PPP1R9A: variants seen among roughly 807,000 people sequenced by gnomAD.
The protein encoded by PPP1R9A is protein phosphatase 1 regulatory subunit 9A.
PPP1R9A carries 59 observed loss-of-function variants against 141.9 expected under a neutral mutation model. The observed-to-expected ratio is 0.42, with a 90% CI of 0.34 to 0.52. The LOEUF is 0.52. Ranked by LOEUF, PPP1R9A falls within the 20% of genes least tolerant of loss-of-function variation. The pLI is 0.10. For synonymous variants in PPP1R9A, 500 were observed against 569.7 expected, an observed-to-expected ratio of 0.88 and a Z score of 1.74; for missense variants, 1,444 against 1,611.9, an observed-to-expected ratio of 0.90 and a Z score of 1.78.
At chr7:95,206,030 G>A (rs1790722358) in intron 7 of PPP1R9A, among the ~76,000 whole-genome samples, 1 of 152,074 alleles carries the variant, frequency 6.6e-6, no homozygotes, top group South Asian at 2.1e-4. Context: ...ATAGCAACTT[G>A]GTGACTCACA....
intron 12 of PPP1R9A, among the ~76,000 whole-genome samples, chr7:95,257,195 C>A (rs781359324): frequency 1.6e-4 from 24 of 152,068 alleles, no homozygotes; most frequent in Non-Finnish European, 2.8e-4. Flanking sequence ...TACTGAGATT[C>A]ATTATGAAGT....
At chr7:94,907,896 G>T (rs1790936485) in intron 1 of PPP1R9A, 194 bp downstream of exon 1, 1 of 148,004 alleles carries the variant, frequency 6.8e-6, no homozygotes, top group African/African-American at 2.4e-5. Context: ...AATGGCGTTG[G>T]GGAGCGCAGC....
Position 95,108,520 on chromosome 7 carries a change from G to A in PPP1R9A, c.1396-2739G>A, listed in dbSNP as rs143025392. On this transcript the variant is annotated intron_variant, in intron 2 of 19. Coordinates refer to ENST00000433360, the MANE Select transcript of PPP1R9A (RefSeq NM_001166160.2). ...GGAGATGGGGTTTCACCGTGTTAGC[G>A]AGGACAGTCTGGATCTCCTGACCTC... Among the ~76,000 whole-genome samples the A allele has an allele frequency of 3.3e-5, 5 of 151,444 alleles. No individual in the cohort carries two copies. The East Asian group carries it at 5.8e-4, about 18-fold the overall frequency.
intron 7 of PPP1R9A, among the ~76,000 whole-genome samples, chr7:95,208,995 C>T (rs1462514045): frequency 7.9e-6 from 1 of 127,158 alleles, no homozygotes; most frequent in Non-Finnish European, 1.6e-5. Flanking sequence ...TAAAATTCAG[C>T]AGAATTACTC....
At chr7:95,263,631 TG>T (rs765275982) in intron 12 of PPP1R9A, among the ~76,000 whole-genome samples, 1 of 152,012 alleles carries the variant, frequency 6.6e-6, no homozygotes, top group Non-Finnish European at 1.5e-5. Context: ...ACCATGTTGT[TG>T]AACTCCTGAC....
chr7:95,108,261 ATTATTT>A (rs1468710523), intron 2 of PPP1R9A, among the ~76,000 whole-genome samples: 1 of 92,918 alleles, frequency 1.1e-5, no homozygotes, highest in African/African-American at 4.0e-5. Context: ...AGTGTATTAC[ATTATTT>A]TCTTTTTCTT....
chr7:95,196,347 A>G (rs746691169), intron 5 of PPP1R9A, among the ~76,000 whole-genome samples: 21 of 152,190 alleles, frequency 1.4e-4, no homozygotes, highest in Non-Finnish European at 2.6e-4. Context: ...GATGCAAAGC[A>G]ACTACAGCTT....
At chr7:94,934,804 G>A (rs1794578289) in intron 2 of PPP1R9A, among the ~76,000 whole-genome samples, 2 of 151,292 alleles carry the variant, frequency 1.3e-5, no homozygotes. Context: ...ATGTGTGTGT[G>A]TGTGTATGTA....
intron 2 of PPP1R9A, among the ~76,000 whole-genome samples, chr7:95,026,899 T>C (rs1371704833): frequency 6.6e-6 from 1 of 152,094 alleles, no homozygotes; most frequent in East Asian, 1.9e-4. Context: ...GAAAACCACG[T>C]ACTCAAGCCT....
intron 3 of PPP1R9A, among the ~76,000 whole-genome samples, chr7:95,112,257 C>G (rs1820698405): frequency 6.6e-6 from 1 of 152,024 alleles, no homozygotes; most frequent in African/African-American, 2.4e-5. Context: ...GCAAAGGACA[C>G]GAACAGGTAT....
Position 95,056,809 on chromosome 7 carries a change from C to A in PPP1R9A, c.1396-54450C>A, listed in dbSNP as rs992446602. Among the ~76,000 whole-genome samples, 6 of 151,836 alleles carry A rather than the reference C, an allele frequency of 4.0e-5. No individual in the cohort carries two copies. The South Asian group carries it at 1.3e-3, about 32-fold the overall frequency. ...GCAGGTATTTGCTTTAGGAGAAGCTCCTAAGAAAAAATGATTCAATCTTAA... is the reference window on the plus strand; with the variant it reads ...GCAGGTATTTGCTTTAGGAGAAGCTACTAAGAAAAAATGATTCAATCTTAA... On this transcript the variant is annotated intron_variant, in intron 2 of 19. Transcript: ENST00000433360.
intron 16 of PPP1R9A, among the ~76,000 whole-genome samples, chr7:95,280,854 C>T (rs1804077117): frequency 6.6e-6 from 1 of 151,950 alleles, no homozygotes; most frequent in South Asian, 2.1e-4. Flanking sequence ...AGGGAGGAAG[C>T]AAATAAGAAA....
intron 14 of PPP1R9A, among the ~76,000 whole-genome samples, chr7:95,272,377 G>A (rs1448329267): frequency 6.6e-6 from 1 of 152,170 alleles, no homozygotes; most frequent in African/African-American, 2.4e-5. Context: ...AATCACCTTA[G>A]AAGGTGTTTG....
rs181461173 is a variant in PPP1R9A at position 95,024,592 on chromosome 7, C to A, written c.1396-86667C>A. ...AGTCTGTTTTCTCTTAGAGTGGGAT[C>A]GCAACCTCTGCTTTTTTTTTGTTTT... is the stretch of plus-strand genomic sequence containing the variant. On this transcript the variant is annotated intron_variant, in intron 2 of 19. Transcript: ENST00000433360. 8.9e-4 allele frequency among the ~76,000 whole-genome samples: 135 copies of A among 151,968 alleles called. 1 individual carries two copies. Among genetic ancestry groups the A allele is most frequent in the Middle Eastern group, 6.8e-3 (2 of 292 alleles).
chr7:95,074,537 C>T lies in PPP1R9A; in HGVS notation c.1396-36722C>T, dbSNP rs367812352. On this transcript the variant is annotated intron_variant, in intron 2 of 19. Coordinates refer to ENST00000433360, the MANE Select transcript of PPP1R9A (RefSeq NM_001166160.2). ...TTGCCCAGGCTGGAGTGCAATGGCGCGATCTTGGCTCACCCCAACCTCTGC... is the reference window on the plus strand; with the variant it reads ...TTGCCCAGGCTGGAGTGCAATGGCGTGATCTTGGCTCACCCCAACCTCTGC... 1.1e-4 allele frequency among the ~76,000 whole-genome samples: 17 copies of T among 149,016 alleles called. No homozygotes were observed. The East Asian group carries it at 2.4e-3, about 21-fold the overall frequency.
At chr7:95,236,880 A>G (rs1166782614) in intron 8 of PPP1R9A, among the ~76,000 whole-genome samples, 1 of 151,328 alleles carries the variant, frequency 6.6e-6, no homozygotes, top group Non-Finnish European at 1.5e-5. Context: ...ATTGTTATTT[A>G]TATGTATTTT....
At chr7:95,254,820 G>A (rs986649312) in intron 12 of PPP1R9A, among the ~76,000 whole-genome samples, 1 of 152,038 alleles carries the variant, frequency 6.6e-6, no homozygotes, top group South Asian at 2.1e-4. Context: ...AATTTTTGAG[G>A]AGTAAAACCT....
intron 8 of PPP1R9A, among the ~76,000 whole-genome samples, chr7:95,226,690 G>T (rs1039305944): frequency 6.6e-6 from 1 of 152,128 alleles, no homozygotes; most frequent in Non-Finnish European, 1.5e-5. Context: ...TTGGGGCAAG[G>T]GTAAGAATAC....
chr7:94,988,169 T>G (rs922535454), intron 2 of PPP1R9A, among the ~76,000 whole-genome samples: 1 of 152,016 alleles, frequency 6.6e-6, no homozygotes, highest in Non-Finnish European at 1.5e-5. Context: ...CCAGAAAATT[T>G]TGTTAGAAGG....
Sources: allele counts gnomAD v4.1 joint callset (sites outside exome capture counted in the v4.1 genomes callset), GRCh38; gene constraint gnomAD v4.1.1; transcripts MANE v1.5; gene names NCBI Gene and HGNC (gene_info 2026-07-23, HGNC 2026-07-21).